MEP1A: variants seen among roughly 807,000 people sequenced by gnomAD.
The protein encoded by MEP1A is meprin A subunit alpha, also known as N-benzoyl-L-tyrosyl-P-amino-benzoic acid hydrolase subunit alpha.
Under a neutral mutation model 84.5 loss-of-function variants are expected in MEP1A, and 68 were observed. The ratio of observed to expected loss-of-function variants is 0.80; its 90% CI spans 0.66 to 0.98. The LOEUF is 0.98. Ranked by LOEUF, MEP1A falls within the 50% of genes least tolerant of loss-of-function variation. MEP1A has a pLI of 0.00. For synonymous variants in MEP1A, 337 were observed against 336.8 expected (o/e 1.00, Z -0.01); for missense variants, 887 against 919.9 (o/e 0.96, Z 0.46).
chr6:46,837,984 C>T (rs1165156456), intron 13 of MEP1A, among the ~76,000 whole-genome samples: 5 of 151,836 alleles, frequency 3.3e-5, no homozygotes, highest in South Asian at 4.2e-4. Context: ...TTCCACCCCC[C>T]GGGTTCAAGC....
chr6:46,824,800 T>C (rs1348402553), intron 7 of MEP1A, among the ~76,000 whole-genome samples: 1 of 113,494 alleles, frequency 8.8e-6, no homozygotes, highest in African/African-American at 3.3e-5. Context: ...TTTAAATATA[T>C]ATAAATGATG....
chr6:46,836,690 G>T (rs112121365), intron 13 of MEP1A, among the ~76,000 whole-genome samples: 3,654 of 152,000 alleles, frequency 0.024, 164 homozygotes, highest in African/African-American at 0.084. Context: ...ATTACATTTA[G>T]CTTTTATGTC....
Position 46,839,283 on chromosome 6 carries a change from T to A in MEP1A, c.*147T>A. 1.7e-6 allele frequency: 1 copy of A among 600,552 alleles called. No individual in the cohort carries two copies. The highest frequency in any genetic ancestry group is 2.8e-6 in the Non-Finnish European group (1 of 351,686). 37.2% of individuals were successfully genotyped at this position (600,552 alleles called of 1,614,324 possible). A position where few individuals can be genotyped will look rare whatever the true frequency, so the allele number is the denominator to read the frequency against. ...CCAGCCCCATGTGTGACCCTTGTCA[T>A]CTCTCTGCCCCACATAATTCTGTTA... On this transcript the variant is annotated 3_prime_UTR_variant, in exon 14 of 14. Transcript: ENST00000230588.
At chr6:46,842,052 A>C (rs1415007736), downstream of MEP1A, among the ~76,000 whole-genome samples, 1 of 152,180 alleles carries the variant, frequency 6.6e-6, no homozygotes, top group Non-Finnish European at 1.5e-5. Context: ...TGAAGATTTC[A>C]TGGATGTTTA....
chr6:46,841,655 A>G (rs1260021469), downstream of MEP1A, among the ~76,000 whole-genome samples: 1 of 152,062 alleles, frequency 6.6e-6, no homozygotes, highest in Non-Finnish European at 1.5e-5. Context: ...AAATTTGAGA[A>G]TGTCTCATGC....
chr6:46,812,687 A>T (rs535288743), intron 6 of MEP1A, among the ~76,000 whole-genome samples: 14 of 151,510 alleles, frequency 9.2e-5, no homozygotes, highest in Non-Finnish European at 1.9e-4. Context: ...TCAGTCCAAA[A>T]TTTTTTTTTA....
In MEP1A at chr6:46,825,068, AAATCTATTTAAATATTTATAAATTAT is replaced by A. The variant is rs1168134149; in HGVS notation, c.557-203_557-178del. On this transcript the variant is annotated intron_variant, in intron 7 of 13. Coordinates refer to ENST00000230588, the MANE Select transcript of MEP1A (RefSeq NM_005588.3). ...ATATTTATAAATTATGTATTTAAATAAATCTATTTAAATATTTATAAATTATGTATTTAAATAAATCTATTTAAATA... is the reference window on the plus strand; with the variant it reads ...ATATTTATAAATTATGTATTTAAATAGTATTTAAATAAATCTATTTAAATA... Among the ~76,000 whole-genome samples the A allele has an allele frequency of 4.2e-3, 352 of 83,436 alleles. 22 individuals carry two copies. The highest frequency in any genetic ancestry group is 5.2e-3 in the African/African-American group (140 of 26,934). The allele number at this position is 83,436 out of a possible 152,430, so 54.7% of individuals were successfully genotyped here.
intron 5 of MEP1A, among the ~76,000 whole-genome samples, chr6:46,807,965 G>C (rs1424329730): frequency 6.6e-6 from 1 of 151,958 alleles, no homozygotes; most frequent in African/African-American, 2.4e-5. Flanking sequence ...ATAATGTTGA[G>C]GTAGTTTTTA....
At position 46,793,724 on chromosome 6, in the gene MEP1A, C is replaced by A; in HGVS notation, c.145+8C>A. On this transcript the variant is annotated splice_region_variant and intron_variant, in intron 3 of 13. Transcript: ENST00000230588. ...TTTCAGAAATCAATTTAGGTGAGTT[C>A]AATTTTTGTGTTATTAAAGTCTTGA... is the stretch of plus-strand genomic sequence containing the variant. 1 of 1,596,182 alleles carries A rather than the reference C, an allele frequency of 6.3e-7. No individual in the cohort carries two copies. The highest frequency in any genetic ancestry group is 1.1e-5 in the South Asian group (1 of 90,326).
intron 6 of MEP1A, among the ~76,000 whole-genome samples, chr6:46,812,116 T>C (rs1767516652): frequency 1.3e-5 from 2 of 152,058 alleles, no homozygotes; most frequent in African/African-American, 4.8e-5. Flanking sequence ...TTTTTTTTGT[T>C]GGCAATTTTT....
intron 9 of MEP1A, 39 bp from the exon 10 acceptor site, chr6:46,829,317 G>A (rs531169517): frequency 6.4e-7 from 1 of 1,569,460 alleles, no homozygotes; most frequent in Non-Finnish European, 8.8e-7. Context: ...CTGGGGTGTG[G>A]GAAGCCAGAC....
chr6:46,833,875 C>T (rs1768137271), intron 11 of MEP1A, among the ~76,000 whole-genome samples: 2 of 152,108 alleles, frequency 1.3e-5, no homozygotes. Context: ...ATACTTGGAA[C>T]TTGCTGGGCT....
At chr6:46,797,424 A>T (rs1258857541) in intron 3 of MEP1A, among the ~76,000 whole-genome samples, 1 of 152,230 alleles carries the variant, frequency 6.6e-6, no homozygotes, top group African/African-American at 2.4e-5. Flanking sequence ...AGGATGAGGC[A>T]AGGATTAAGC....
At chr6:46,806,272 G>T (rs184405846) in intron 5 of MEP1A, among the ~76,000 whole-genome samples, 78 of 152,022 alleles carry the variant, frequency 5.1e-4, no homozygotes, top group Non-Finnish European at 6.0e-4. Context: ...CATAATTTTT[G>T]ATTATATATT....
At chr6:46,801,922 C>T (rs530807268) in intron 5 of MEP1A, among the ~76,000 whole-genome samples, 9 of 152,066 alleles carry the variant, frequency 5.9e-5, no homozygotes, top group African/African-American at 2.2e-4. Flanking sequence ...CTCCTCATTT[C>T]TTGATCTGGT....
intron 6 of MEP1A, among the ~76,000 whole-genome samples, chr6:46,815,328 T>G (rs185350077): frequency 6.6e-6 from 1 of 152,298 alleles, no homozygotes; most frequent in East Asian, 1.9e-4. Flanking sequence ...GGAGGGATTA[T>G]GGCTGCCTCT....
intron 13 of MEP1A, among the ~76,000 whole-genome samples, chr6:46,836,608 G>A (rs985345518): frequency 3.3e-5 from 5 of 152,074 alleles, no homozygotes; most frequent in African/African-American, 4.8e-5. Context: ...TAAATTACAG[G>A]CCTTATTCAG....
At chr6:46,798,899 C>T (rs1051111286) in intron 4 of MEP1A, among the ~76,000 whole-genome samples, 6 of 152,132 alleles carry the variant, frequency 3.9e-5, no homozygotes, top group Non-Finnish European at 7.4e-5. Context: ...ATTGCAGGCC[C>T]CCTTTATTTT....
chr6:46,805,892 G>A (rs1170146616), intron 5 of MEP1A, among the ~76,000 whole-genome samples: 1 of 151,918 alleles, frequency 6.6e-6, no homozygotes, highest in Non-Finnish European at 1.5e-5. Context: ...GACTCTAACT[G>A]CACATATCTT....
Sources: allele counts gnomAD v4.1 joint callset (sites outside exome capture counted in the v4.1 genomes callset), GRCh38; gene constraint gnomAD v4.1.1; transcripts MANE v1.5; gene names NCBI Gene and HGNC (gene_info 2026-07-23, HGNC 2026-07-21).